The following PPP1R9A variants were observed in gnomAD, a reference collection of about 807,000 sequenced individuals.
PPP1R9A encodes the protein neurabin-1.
Under a neutral mutation model 141.9 loss-of-function variants are expected in PPP1R9A, and 59 were observed. The ratio of observed to expected loss-of-function variants is 0.42; its 90% CI spans 0.34 to 0.52. The LOEUF is 0.52. Among genes scored for constraint, PPP1R9A ranks in the 20% least tolerant of loss-of-function variants. The probability of loss-of-function intolerance (pLI) is 0.10; values close to 1 mark genes in which losing one functional copy is unlikely to be tolerated. For missense variants in PPP1R9A, 1,444 were observed against 1,611.9 expected (o/e 0.90, Z 1.78); for synonymous variants, 500 against 569.7 (o/e 0.88, Z 1.74).
At chr7:94,953,897 A>T (rs559363303) in intron 2 of PPP1R9A, among the ~76,000 whole-genome samples, 76 of 152,276 alleles carry the variant, frequency 5.0e-4, no homozygotes, top group African/African-American at 1.8e-3. Flanking sequence ...TAATCATGTC[A>T]TCTGCAAACA....
intron 2 of PPP1R9A, among the ~76,000 whole-genome samples, chr7:95,062,924 A>G (rs1406950411): frequency 1.3e-5 from 2 of 152,174 alleles, no homozygotes; most frequent in Non-Finnish European, 2.9e-5. Flanking sequence ...GGGGGACTGC[A>G]GGGTTGCAGC....
chr7:95,198,031 T>C (rs954007721), intron 5 of PPP1R9A, among the ~76,000 whole-genome samples: 10 of 152,340 alleles, frequency 6.6e-5, no homozygotes, highest in African/African-American at 1.9e-4. Context: ...ATGAGCTTGC[T>C]TCTATTTTGT....
intron 5 of PPP1R9A, among the ~76,000 whole-genome samples, chr7:95,176,170 C>T (rs1342210857): frequency 6.6e-6 from 1 of 152,114 alleles, no homozygotes; most frequent in African/African-American, 2.4e-5. Context: ...AGATGGTTCA[C>T]ATCACAGGAC....
At chr7:94,951,199 AAAG>A (rs1312690683) in intron 2 of PPP1R9A, among the ~76,000 whole-genome samples, 3 of 152,116 alleles carry the variant, frequency 2.0e-5, no homozygotes, top group African/African-American at 4.8e-5. Flanking sequence ...CTTTGTTAGA[AAAG>A]AAAAAAAAAT....
chr7:95,254,030 T>C (rs1420087925), intron 12 of PPP1R9A, among the ~76,000 whole-genome samples: 1 of 152,138 alleles, frequency 6.6e-6, no homozygotes, highest in East Asian at 1.9e-4. Flanking sequence ...ACTATTAACA[T>C]GCTGATTTGG....
At chr7:94,964,505 G>A (rs1454616971) in intron 2 of PPP1R9A, among the ~76,000 whole-genome samples, 1 of 151,938 alleles carries the variant, frequency 6.6e-6, no homozygotes, top group Non-Finnish European at 1.5e-5. Flanking sequence ...CCGCTGACAG[G>A]CCCTGGTGTG....
At chr7:95,037,653 C>G (rs571719372) in intron 2 of PPP1R9A, among the ~76,000 whole-genome samples, 1 of 152,276 alleles carries the variant, frequency 6.6e-6, no homozygotes, top group Non-Finnish European at 1.5e-5. Flanking sequence ...ATTTTCTTTC[C>G]TTAGCCCTTG....
chr7:94,945,337 A>G (rs896429059), intron 2 of PPP1R9A, among the ~76,000 whole-genome samples: 1 of 152,140 alleles, frequency 6.6e-6, no homozygotes, highest in South Asian at 2.1e-4. Context: ...CTTAAGGTCA[A>G]ATGAATACAG....
At chr7:95,115,980 A>T (rs1394603326) in intron 3 of PPP1R9A, among the ~76,000 whole-genome samples, 2 of 152,030 alleles carry the variant, frequency 1.3e-5, no homozygotes, top group Non-Finnish European at 2.9e-5. Flanking sequence ...ATACAAGGAT[A>T]TAGAGTGGTT....
intron 2 of PPP1R9A, among the ~76,000 whole-genome samples, chr7:95,019,886 T>C (rs1191624150): frequency 6.6e-6 from 1 of 152,112 alleles, no homozygotes; most frequent in Non-Finnish European, 1.5e-5. Flanking sequence ...CATGTGCCCA[T>C]ACAGAAATTT....
rs151319646 is a variant in PPP1R9A at position 95,273,720 on chromosome 7, G to A, written c.3125-179G>A. ...CTCTGTCCTATAGAGGACCTCCCCTGCTTAACTGCGAGTTCCTCAATGTAA... is the reference window on the plus strand; with the variant it reads ...CTCTGTCCTATAGAGGACCTCCCCTACTTAACTGCGAGTTCCTCAATGTAA... On this transcript the variant is annotated intron_variant, in intron 14 of 19. Coordinates refer to ENST00000433360, the MANE Select transcript of PPP1R9A (RefSeq NM_001166160.2). 2.0e-5 allele frequency among the ~76,000 whole-genome samples: 3 copies of A among 152,302 alleles called. No homozygotes were observed. The East Asian group carries it at 5.8e-4, about 29-fold the overall frequency.
intron 2 of PPP1R9A, among the ~76,000 whole-genome samples, chr7:95,048,923 A>AACAGGGAGAAGTCTGGTCAGACCCTGGGC (rs1810410146): frequency 2.0e-5 from 3 of 152,098 alleles, no homozygotes; most frequent in African/African-American, 7.3e-5. Flanking sequence ...ATTTGAAATT[A>AACAGGGAGAAGTCTGGTCAGACCCTGGGC]TTTCAGTTAT....
intron 14 of PPP1R9A, among the ~76,000 whole-genome samples, chr7:95,269,760 G>C (rs1460468846): frequency 6.6e-6 from 1 of 152,030 alleles, no homozygotes; most frequent in Non-Finnish European, 1.5e-5. Flanking sequence ...AGTTCTTCAG[G>C]GGAGTGGGGC....
rs948659764 is a variant in PPP1R9A at position 95,130,977 on chromosome 7, T to C, written c.1649+10145T>C. ...CCTTGTCTCGGATGAGATGTTGAAC[T>C]GTGGACTTTTGAGTTAATGCTGAAA... On this transcript the variant is annotated intron_variant, in intron 4 of 19. Transcript: ENST00000433360. Among the ~76,000 whole-genome samples, 5 of 152,220 alleles carry C rather than the reference T, an allele frequency of 3.3e-5. No homozygotes were observed. In the East Asian group the frequency reaches 9.6e-4, roughly 29 times the overall value.
intron 2 of PPP1R9A, among the ~76,000 whole-genome samples, chr7:95,078,700 T>C (rs1441124467): frequency 3.9e-5 from 6 of 152,004 alleles, no homozygotes; most frequent in Non-Finnish European, 5.9e-5. Flanking sequence ...TATCTCATTG[T>C]GGTTTTGATT....
chr7:95,218,022 G>A (rs535768643), intron 7 of PPP1R9A, among the ~76,000 whole-genome samples: 1 of 152,082 alleles, frequency 6.6e-6, no homozygotes, highest in African/African-American at 2.4e-5. Flanking sequence ...GCTTTTGAAT[G>A]TGTTTGCTCT....
chr7:95,001,436 CAAAGTCCAGAGGTATTAAATCTTTATGGT>C (rs1180932139), intron 2 of PPP1R9A, among the ~76,000 whole-genome samples: 1 of 152,082 alleles, frequency 6.6e-6, no homozygotes, highest in East Asian at 1.9e-4. Context: ...CAAAAAAGTT[CAAAGTCCAGAGGTATTAAATCTTTATGGT>C]AAATGAGAGC....
intron 7 of PPP1R9A, among the ~76,000 whole-genome samples, chr7:95,218,899 T>G (rs534963167): frequency 5.9e-4 from 90 of 152,292 alleles, no homozygotes; most frequent in African/African-American, 2.0e-3. Context: ...TACAGCACAC[T>G]GATGGGTCTT....
At chr7:94,919,423 G>T (rs1792511478) in intron 2 of PPP1R9A, among the ~76,000 whole-genome samples, 1 of 151,590 alleles carries the variant, frequency 6.6e-6, no homozygotes, top group African/African-American at 2.4e-5. Context: ...GGGATTGTAG[G>T]TGTGAGCCAC....
Sources: allele counts gnomAD v4.1 joint callset (sites outside exome capture counted in the v4.1 genomes callset), GRCh38; gene constraint gnomAD v4.1.1; transcripts MANE v1.5; gene names NCBI Gene and HGNC (gene_info 2026-07-23, HGNC 2026-07-21).